The following GTSE1 variants were observed in gnomAD, a reference collection of about 807,000 sequenced individuals.
GTSE1 encodes the protein G2 and S-phase expressed 1, also known as G2 and S phase-expressed protein 1.
Under a neutral mutation model 60.5 loss-of-function variants are expected in GTSE1, and 52 were observed. That is an observed-to-expected ratio of 0.86 (90% CI 0.69 to 1.08). The LOEUF is 1.08. GTSE1 is among the 50% of genes least tolerant of loss of function. GTSE1 has a pLI of 0.00. For missense variants in GTSE1, 937 were observed against 961.8 expected, an observed-to-expected ratio of 0.97 and a Z score of 0.34; for synonymous variants, 368 against 386.5, an observed-to-expected ratio of 0.95 and a Z score of 0.56.
chr22:46,317,334 T>C lies in GTSE1; in HGVS notation c.1432+922T>C, dbSNP rs1174020458. Among the ~76,000 whole-genome samples the C allele has an allele frequency of 6.6e-6, 1 of 152,216 alleles. No homozygotes were observed. Among genetic ancestry groups the C allele is most frequent in the Non-Finnish European group, 1.5e-5 (1 of 68,042 alleles). ...CAGATATCATTTCTTCTGCAGTGCC[T>C]AACAGCTGTGAAGCCCATCCAGTTA... On this transcript the variant is annotated intron_variant, in intron 7 of 11. Coordinates refer to ENST00000454366, the MANE Select transcript of GTSE1 (RefSeq NM_016426.7). This position sits in a 1 kb window ranked among gnomAD's most constrained non-coding sequence, Gnocchi z 5.6.
chr22:46,309,030 AGAGGTGGC>A lies in GTSE1; in HGVS notation c.762+91_762+98del. ...ACAGAAGCCACATGCGGAAAGCCTCAGAGGTGGCGAGTCTCTGAGGCCTACAAAACACA... is the reference window on the plus strand; with the variant it reads ...ACAGAAGCCACATGCGGAAAGCCTCAGAGTCTCTGAGGCCTACAAAACACA... On this transcript the variant is annotated intron_variant, in intron 4 of 11. Coordinates refer to ENST00000454366, the MANE Select transcript of GTSE1 (RefSeq NM_016426.7). The surrounding 1 kb of genome is among the most constrained non-coding windows in gnomAD (Gnocchi z 6.2). 7.0e-7 allele frequency: 1 copy of A among 1,420,128 alleles called. No individual in the cohort carries two copies. Among genetic ancestry groups the A allele is most frequent in the South Asian group, 1.4e-5 (1 of 72,586 alleles). The allele number at this position is 1,420,128 out of a possible 1,614,324, so 88.0% of individuals were successfully genotyped here. A position where few individuals can be genotyped will look rare whatever the true frequency, so the allele number is the denominator to read the frequency against.
chr22:46,321,379 G>C lies in GTSE1; in HGVS notation c.1433-1811G>C, dbSNP rs2077811689. Among the ~76,000 whole-genome samples the C allele has an allele frequency of 6.6e-6, 1 of 152,200 alleles. No homozygotes were observed. The highest frequency in any genetic ancestry group is 2.4e-5 in the African/African-American group (1 of 41,444). On this transcript the variant is annotated intron_variant, in intron 7 of 11. Coordinates refer to ENST00000454366, the MANE Select transcript of GTSE1 (RefSeq NM_016426.7). The surrounding 1 kb of genome is among the most constrained non-coding windows in gnomAD (Gnocchi z 4.0). ...TGATCAAGCCACTGCACTCCAGCCTGGGTGACAGAGCAAGACCTTGTTTCT... is the reference window on the plus strand; with the variant it reads ...TGATCAAGCCACTGCACTCCAGCCTCGGTGACAGAGCAAGACCTTGTTTCT...
rs544545524 is a variant in GTSE1 at position 46,323,105 on chromosome 22, A to G, written c.1433-85A>G. The G allele has an allele frequency of 1.6e-4, 144 of 880,206 alleles. No homozygotes were observed. The African/African-American group carries it at 2.1e-3, about 13-fold the overall frequency. 54.5% of individuals were successfully genotyped at this position (880,206 alleles called of 1,614,324 possible). ...GTTGGGACAGTGGAGATACTCGGAG[A>G]ATTGCCCATTCGGTGACGATCCCCC... On this transcript the variant is annotated intron_variant, in intron 7 of 11. Transcript: ENST00000454366.
Position 46,308,846 on chromosome 22 carries a change from C to G in GTSE1, c.665C>G (p.Ala222Gly). The G allele has an allele frequency of 6.2e-7, 1 of 1,613,286 alleles. No individual in the cohort carries two copies. The highest frequency in any genetic ancestry group is 8.5e-7 in the Non-Finnish European group (1 of 1,180,036). ...AGGGAATCATGCACTGCTCATGCTGCAAGTCAGGCAGCGACTCAGAGGAAG... is the reference window on the plus strand; with the variant it reads ...AGGGAATCATGCACTGCTCATGCTGGAAGTCAGGCAGCGACTCAGAGGAAG... ...LPRESCTAHA[A>G]SQAATQRKPG... Residue 222 changes from alanine (A) to glycine (G), a missense_variant, in exon 4 of 12, where the codon GCA becomes GGA. Transcript: ENST00000454366.
intron 2 of GTSE1, among the ~76,000 whole-genome samples, chr22:46,298,602 C>T (rs1170008864): frequency 6.6e-6 from 1 of 152,266 alleles, no homozygotes; most frequent in African/African-American, 2.4e-5. Flanking sequence ...ACCACCGCGC[C>T]TGGCCCCAAG....
chr22:46,311,188 C>T (rs1013820818), intron 4 of GTSE1, among the ~76,000 whole-genome samples: 4 of 152,088 alleles, frequency 2.6e-5, no homozygotes, highest in African/African-American at 9.7e-5. Flanking sequence ...AGCAGTCCTC[C>T]TGTCTCAGCC....
At chr22:46,301,011 A>T (rs1008792067) in intron 2 of GTSE1, among the ~76,000 whole-genome samples, 5 of 152,146 alleles carry the variant, frequency 3.3e-5, no homozygotes, top group Non-Finnish European at 1.5e-5. Context: ...TAGCATGGAG[A>T]GCCCTGTCCT....
At chr22:46,307,608 A>T (rs139332806) in intron 2 of GTSE1, among the ~76,000 whole-genome samples, 1,682 of 152,014 alleles carry the variant, frequency 0.011, 38 homozygotes, top group African/African-American at 0.038. Context: ...GGTTCAAGCG[A>T]TTCTCCTGCC....
At position 46,318,698 on chromosome 22, in the gene GTSE1, G is replaced by GGTCCAGAT. The variant is rs1487607032; in HGVS notation, c.1432+2290_1432+2291insAGATGTCC. Among the ~76,000 whole-genome samples the GGTCCAGAT allele has an allele frequency of 1.3e-5, 2 of 152,186 alleles. No homozygotes were observed. Among genetic ancestry groups the GGTCCAGAT allele is most frequent in the Non-Finnish European group, 2.9e-5 (2 of 68,026 alleles). Reference sequence around the variant, plus strand: ...GCAGAGGCAACGGCAGGAGTGCAGAGGTCCTGGGGCAGGAAGGCGTGGGAC... The same window carrying GGTCCAGAT: ...GCAGAGGCAACGGCAGGAGTGCAGAGGTCCAGATGTCCTGGGGCAGGAAGGCGTGGGAC... On this transcript the variant is annotated intron_variant, in intron 7 of 11. Transcript: ENST00000454366. This position sits in a 1 kb window ranked among gnomAD's most constrained non-coding sequence, Gnocchi z 4.8.
Position 46,329,190 on chromosome 22 carries a change from G to A in GTSE1, c.1927-168G>A, listed in dbSNP as rs114859671. The A allele has an allele frequency of 4.8e-3, 3,341 of 694,980 alleles. 86 individuals are homozygous for A. In the African/African-American group the frequency reaches 0.053, roughly 11 times the overall value. 43.1% of individuals were successfully genotyped at this position (694,980 alleles called of 1,614,324 possible). A position where few individuals can be genotyped will look rare whatever the true frequency, so the allele number is the denominator to read the frequency against. On this transcript the variant is annotated intron_variant, in intron 10 of 11. Transcript: ENST00000454366. This position sits in a 1 kb window ranked among gnomAD's most constrained non-coding sequence, Gnocchi z 6.4. The stretch of plus-strand genomic sequence containing the variant: ...TGGACAGGGAGGTGGGCAACAGTCA[G>A]AGAGGCACGGCCCACCCCATACAGA...
At chr22:46,307,724 A>G (rs1173836655) in intron 2 of GTSE1, among the ~76,000 whole-genome samples, 1 of 151,938 alleles carries the variant, frequency 6.6e-6, no homozygotes, top group East Asian at 1.9e-4. Flanking sequence ...GCTGGTCTTG[A>G]TCTCTTGACC....
chr22:46,305,644 C>T lies in GTSE1; in HGVS notation c.80-2506C>T, dbSNP rs12330049. On this transcript the variant is annotated intron_variant, in intron 2 of 11. Coordinates refer to ENST00000454366, the MANE Select transcript of GTSE1 (RefSeq NM_016426.7). ...AAAGAATATACCAAGTGCAGTGGCT[C>T]ACGCCTGTAATCCCAGCACTTTGGG... 6.9e-3 allele frequency among the ~76,000 whole-genome samples: 1,035 copies of T among 150,942 alleles called. 13 individuals are homozygous for T. The highest frequency in any genetic ancestry group is 0.024 in the African/African-American group (974 of 41,038).
chr22:46,321,828 A>C lies in GTSE1; in HGVS notation c.1433-1362A>C, dbSNP rs897599056. Among the ~76,000 whole-genome samples the C allele has an allele frequency of 6.6e-6, 1 of 152,216 alleles. No homozygotes were observed. Among genetic ancestry groups the C allele is most frequent in the African/African-American group, 2.4e-5 (1 of 41,466 alleles). On this transcript the variant is annotated intron_variant, in intron 7 of 11. Coordinates refer to ENST00000454366, the MANE Select transcript of GTSE1 (RefSeq NM_016426.7). The surrounding 1 kb of genome is among the most constrained non-coding windows in gnomAD (Gnocchi z 4.0). Reference sequence around the variant, plus strand: ...AGTGGCTCACGCCTGTAATCCCAGCACTTTGGGAGGCCGAGGCGGGCAATC... The same window carrying C: ...AGTGGCTCACGCCTGTAATCCCAGCCCTTTGGGAGGCCGAGGCGGGCAATC...
Position 46,308,496 on chromosome 22 carries a change from T to G in GTSE1, c.315T>G (p.Ala105=). The G allele has an allele frequency of 1.9e-6, 3 of 1,614,134 alleles. No homozygotes were observed. Among genetic ancestry groups the G allele is most frequent in the Non-Finnish European group, 2.5e-6 (3 of 1,180,032 alleles). ...AGTTCGTGGAGGTGTACAAAGAAGC[T>G]CACTTACTGGCTTTACACATTGAGA... ...GEKFVEVYKE[A]HLLALHIESS... is the part of the protein sequence containing the mutation. Residue 105 remains alanine, a synonymous_variant, in exon 4 of 12, where the codon GCT becomes GCG. Coordinates refer to ENST00000454366, the MANE Select transcript of GTSE1 (RefSeq NM_016426.7).
At chr22:46,307,800 C>A (rs984638855) in intron 2 of GTSE1, among the ~76,000 whole-genome samples, 4 of 148,612 alleles carry the variant, frequency 2.7e-5, no homozygotes, top group Non-Finnish European at 3.0e-5. Context: ...CGCCCCCAGC[C>A]GGCTGATGCA....
chr22:46,315,976 T>C (rs746175299), intron 6 of GTSE1, 56 bp from the exon 7 acceptor site: 28 of 1,342,208 alleles, frequency 2.1e-5, no homozygotes, highest in Non-Finnish European at 2.7e-5. Flanking sequence ...TCTGTGTGTT[T>C]GTTAAATAGC....
intron 2 of GTSE1, among the ~76,000 whole-genome samples, chr22:46,298,030 T>TTG: frequency 6.6e-6 from 1 of 152,102 alleles, no homozygotes; most frequent in East Asian, 1.9e-4. Flanking sequence ...AGGCGTGATC[T>TTG]GTACTCACTG....
intron 9 of GTSE1, 114 bp from the exon 10 acceptor site, chr22:46,328,574 C>G: frequency 1.3e-6 from 1 of 745,244 alleles, no homozygotes; most frequent in Non-Finnish European, 2.3e-6. Flanking sequence ...GGCCCTAGAG[C>G]CGGGACGCAC....
intron 2 of GTSE1, among the ~76,000 whole-genome samples, chr22:46,301,221 G>A (rs2077687503): frequency 6.6e-6 from 1 of 152,204 alleles, no homozygotes; most frequent in Non-Finnish European, 1.5e-5. Context: ...TGGACACCGT[G>A]TAACTGCACA....
Sources: gnomAD v4.1 joint callset for allele counts (sites outside exome capture counted in the v4.1 genomes callset) on GRCh38, gnomAD v4.1.1 for gene constraint, Gnocchi (gnomAD v3.1) non-coding constraint, MANE v1.5 for transcripts, NCBI Gene and HGNC (gene_info 2026-07-23, HGNC 2026-07-21) for gene names.